VAPB: variants seen among roughly 807,000 people sequenced by gnomAD.
VAPB encodes VAMP associated protein B and C, also known as vesicle-associated membrane protein-associated protein B/C.
VAPB carries 7 observed loss-of-function variants against 25.6 expected under a neutral mutation model. The observed-to-expected ratio is 0.27, with a 90% CI of 0.16 to 0.51. VAPB has a LOEUF of 0.51. VAPB is among the 20% of genes least tolerant of loss of function. VAPB has a pLI of 0.97. For synonymous variants in VAPB, 112 were observed against 109.2 expected, an observed-to-expected ratio of 1.03 and a Z score of -0.16; for missense variants, 266 against 301.3, an observed-to-expected ratio of 0.88 and a Z score of 0.87.
intron 5 of VAPB, 48 bp from the exon 6 acceptor site, chr20:58,444,029 C>G: frequency 1.2e-6 from 2 of 1,614,032 alleles, no homozygotes; most frequent in Non-Finnish European, 1.7e-6. Context: ...GTTGACTCCC[C>G]TTTCTGGTGC....
Position 58,447,189 on chromosome 20 carries a change from A to G in VAPB, c.*2954A>G, listed in dbSNP as rs1420454675. On this transcript the variant is annotated 3_prime_UTR_variant, in exon 6 of 6. Coordinates refer to ENST00000475243, the MANE Select transcript of VAPB (RefSeq NM_004738.5). The stretch of plus-strand genomic sequence containing the variant: ...AAATGCAGAAGAGATGGAAGCGGTG[A>G]CAGAATCCTGAAAGTTTTTATTGAT... The G allele has an allele frequency of 4.4e-6, 2 of 454,116 alleles. No homozygotes were observed. The highest frequency in any genetic ancestry group is 4.7e-5 in the Admixed American group (2 of 42,582). The allele number at this position is 454,116 out of a possible 1,614,324, so 28.1% of individuals were successfully genotyped here.
chr20:58,414,149 G>T (rs1349223155), intron 1 of VAPB, among the ~76,000 whole-genome samples: 1 of 128,580 alleles, frequency 7.8e-6, no homozygotes, highest in Non-Finnish European at 1.7e-5. Flanking sequence ...CCTCCCTCCC[G>T]GACGGGGCGG....
intron 2 of VAPB, among the ~76,000 whole-genome samples, chr20:58,430,592 T>G (rs539835150): frequency 6.6e-6 from 1 of 151,948 alleles, no homozygotes; most frequent in South Asian, 2.1e-4. Context: ...TTTTTTGTTT[T>G]GAGACAGAGT....
chr20:58,408,047 G>A (rs200390495), intron 1 of VAPB, among the ~76,000 whole-genome samples: 1 of 152,116 alleles, frequency 6.6e-6, no homozygotes, highest in Admixed American at 6.6e-5. Context: ...ACCCATGGAG[G>A]TGGTGGCAGG....
intron 1 of VAPB, among the ~76,000 whole-genome samples, chr20:58,415,211 T>G (rs1988510674): frequency 6.6e-6 from 1 of 152,216 alleles, no homozygotes. Flanking sequence ...CCAAGCACAG[T>G]GGGTCCTGGG....
chr20:58,435,816 G>A (rs995890992), intron 3 of VAPB, among the ~76,000 whole-genome samples: 4 of 152,162 alleles, frequency 2.6e-5, no homozygotes, highest in South Asian at 2.1e-4. Context: ...GCAACATGAT[G>A]TGTTACTTCA....
chr20:58,395,401 G>A (rs1041183835), intron 1 of VAPB, among the ~76,000 whole-genome samples: 6 of 151,996 alleles, frequency 3.9e-5, no homozygotes, highest in Non-Finnish European at 1.5e-5. Flanking sequence ...CGCCCACCTC[G>A]GCCTCCCAAA....
chr20:58,414,406 G>A (rs1268018370), intron 1 of VAPB, among the ~76,000 whole-genome samples: 5 of 150,736 alleles, frequency 3.3e-5, no homozygotes, highest in Admixed American at 2.6e-4. Context: ...CCGCCGGGCG[G>A]AGAGGCTCCC....
rs1331397367 is a variant in VAPB at position 58,444,682 on chromosome 20, C to A, written c.*447C>A. The A allele has an allele frequency of 8.8e-6, 4 of 454,494 alleles. No individual in the cohort carries two copies. The highest frequency in any genetic ancestry group is 1.3e-5 in the Non-Finnish European group (3 of 226,964). The allele number at this position is 454,494 out of a possible 1,614,324, so 28.2% of individuals were successfully genotyped here. A position where few individuals can be genotyped will look rare whatever the true frequency, so the allele number is the denominator to read the frequency against. On this transcript the variant is annotated 3_prime_UTR_variant, in exon 6 of 6. Coordinates refer to ENST00000475243, the MANE Select transcript of VAPB (RefSeq NM_004738.5). ...CACAGTAGTCCCCACGTGGCCCACT[C>A]CCGGCCCAGGCTGCTTTCCGTGTCT...
chr20:58,440,985 T>A lies in VAPB; in HGVS notation c.475T>A (p.Ser159Thr). 1 of 1,605,468 alleles carries A rather than the reference T, an allele frequency of 6.2e-7. No homozygotes were observed. The highest frequency in any genetic ancestry group is 8.5e-7 in the Non-Finnish European group (1 of 1,171,984). ...ETPIVSKSLS[S>T]SLDDTEVKKV... is the part of the protein sequence containing the mutation. ...ACCAATAGTGTCTAAGTCTCTGAGTTCTTCTTTGGATGACACCGAAGTTAA... is the reference window on the plus strand; with the variant it reads ...ACCAATAGTGTCTAAGTCTCTGAGTACTTCTTTGGATGACACCGAAGTTAA... Residue 159 changes from serine (S) to threonine (T), a missense_variant, in exon 5 of 6, where the codon TCT becomes ACT. Coordinates refer to ENST00000475243, the MANE Select transcript of VAPB (RefSeq NM_004738.5).
chr20:58,441,469 G>T (rs755967018), intron 5 of VAPB, among the ~76,000 whole-genome samples: 1 of 152,094 alleles, frequency 6.6e-6, no homozygotes, highest in Non-Finnish European at 1.5e-5. Context: ...GTGAAACCCC[G>T]TCTCTAATAA....
rs886056811 is a variant in VAPB at position 58,389,489 on chromosome 20, C to T, written c.30C>T (p.Leu10=). ...CGAAGGTGGAGCAGGTCCTGAGCCT[C>T]GAGCCGCAGCACGAGCTCAAATTCC... The part of the protein sequence containing the change: MAKVEQVLS[L]EPQHELKFRG... The change falls in exon 1 of 6, where the codon CTC becomes CTT. Residue 10 remains leucine, a synonymous_variant. Coordinates refer to ENST00000475243, the MANE Select transcript of VAPB (RefSeq NM_004738.5). 5 of 1,594,020 alleles carry T rather than the reference C, an allele frequency of 3.1e-6. No individual in the cohort carries two copies. The highest frequency in any genetic ancestry group is 4.3e-6 in the Non-Finnish European group (5 of 1,171,534).
At chr20:58,440,049 T>A (rs2268913) in intron 4 of VAPB, 24,675 of 152,072 alleles carry the variant, frequency 0.16, 2,201 homozygotes, top group East Asian at 0.31. Flanking sequence ...GCTGAATCAT[T>A]TACCACTATC....
intron 2 of VAPB, among the ~76,000 whole-genome samples, chr20:58,427,005 C>CT (rs1419923639): frequency 1.3e-5 from 2 of 151,970 alleles, no homozygotes; most frequent in Non-Finnish European, 2.9e-5. Context: ...GATCTGTGAT[C>CT]TTTTACCATT....
At chr20:58,414,344 C>T (rs1307294032) in intron 1 of VAPB, among the ~76,000 whole-genome samples, 15 of 149,088 alleles carry the variant, frequency 1.0e-4, no homozygotes, top group East Asian at 4.1e-4. Flanking sequence ...ACCTCCCTCC[C>T]GGACGGGGCG....
intron 3 of VAPB, among the ~76,000 whole-genome samples, chr20:58,437,905 T>A (rs1035531935): frequency 3.9e-5 from 6 of 152,150 alleles, no homozygotes; most frequent in Admixed American, 3.9e-4. Context: ...CTTGCATGGT[T>A]TTGGGAAGGG....
At chr20:58,439,450 C>G (rs933773870) in intron 4 of VAPB, 13 of 217,058 alleles carry the variant, frequency 6.0e-5, no homozygotes, top group Non-Finnish European at 1.9e-5. Flanking sequence ...CCCTTTTACC[C>G]TATCTACCTC....
intron 2 of VAPB, among the ~76,000 whole-genome samples, chr20:58,421,770 A>C (rs1357894762): frequency 1.3e-5 from 2 of 152,210 alleles, no homozygotes; most frequent in Non-Finnish European, 2.9e-5. Context: ...ATGTCTGCCC[A>C]TGGAGCTGGC....
chr20:58,419,144 C>T (rs764290900), intron 2 of VAPB, among the ~76,000 whole-genome samples: 14 of 152,162 alleles, frequency 9.2e-5, no homozygotes, highest in Non-Finnish European at 1.6e-4. Flanking sequence ...TCAAGTGACT[C>T]AGTGTCACAG....
Sources: allele counts gnomAD v4.1 joint callset (sites outside exome capture counted in the v4.1 genomes callset), GRCh38; gene constraint gnomAD v4.1.1; transcripts MANE v1.5; gene names NCBI Gene and HGNC (gene_info 2026-07-23, HGNC 2026-07-21).